Variants in CEP97 observed in about 807,000 individuals in gnomAD.
The protein encoded by CEP97 is centrosomal protein 97, also known as centrosomal protein of 97 kDa.
In CEP97, 43 loss-of-function variants were observed where a neutral mutation model predicts 73.1. The observed-to-expected ratio is 0.59, with a 90% CI of 0.46 to 0.76. The LOEUF is 0.76. CEP97 is among the 30% of genes least tolerant of loss of function. The probability of loss-of-function intolerance (pLI) is 0.00; values close to 1 mark genes in which losing one functional copy is unlikely to be tolerated. For missense variants in CEP97, 939 were observed against 1,014.0 expected (o/e 0.93, Z 1.00); for synonymous variants, 337 against 370.0 (o/e 0.91, Z 1.02).
chr3:101,770,361 A>C lies in CEP97; in HGVS notation c.*4810A>C, dbSNP rs2107206544. The stretch of plus-strand genomic sequence containing the variant: ...AATTAAATATCTTTGAATGTTTTGT[A>C]ATAATTTTAATGTTGACAATAAGAG... On this transcript the variant is annotated 3_prime_UTR_variant, in exon 11 of 11. Coordinates refer to ENST00000341893, the MANE Select transcript of CEP97 (RefSeq NM_024548.4). The C allele has an allele frequency of 6.6e-6, 1 of 152,284 alleles. No individual in the cohort carries two copies. The highest frequency in any genetic ancestry group is 2.1e-4 in the South Asian group (1 of 4,824). The allele number at this position is 152,284 out of a possible 1,614,324, so 9.4% of individuals were successfully genotyped here.
At position 101,732,478 on chromosome 3, in the gene CEP97, T is replaced by G; in HGVS notation, c.562-10T>G. On this transcript the variant is annotated splice_polypyrimidine_tract_variant and intron_variant, in intron 5 of 10. Transcript: ENST00000341893. Reference sequence around the variant, plus strand: ...GTCCTTTTGTTCAACAAAGATATCTTTTGTTCCAGATCTCTTTTTTGGCAT... The same window carrying G: ...GTCCTTTTGTTCAACAAAGATATCTGTTGTTCCAGATCTCTTTTTTGGCAT... 3 of 1,592,038 alleles carry G rather than the reference T, an allele frequency of 1.9e-6. No individual in the cohort carries two copies. The highest frequency in any genetic ancestry group is 2.6e-6 in the Non-Finnish European group (3 of 1,162,876).
chr3:101,765,486 G>A lies in CEP97; in HGVS notation c.2533G>A (p.Val845Ile). The A allele has an allele frequency of 6.2e-7, 1 of 1,614,142 alleles. No individual in the cohort carries two copies. The highest frequency in any genetic ancestry group is 1.1e-5 in the South Asian group (1 of 91,076). Residue 845 changes from valine to isoleucine, a missense_variant, in exon 11 of 11, where the codon GTT becomes ATT. Physicochemically the swap from Val to Ile is conservative, Grantham distance 29 (BLOSUM62 3). Transcript: ENST00000341893. ...TQENSKLNAE[V>I]QGQQPECDST... ...AGAGAATTCTAAATTAAATGCAGAA[G>A]TTCAGGGGCAGCAGCCAGAATGTGA... is the stretch of plus-strand genomic sequence containing the variant.
intron 9 of CEP97, among the ~76,000 whole-genome samples, chr3:101,759,902 A>C (rs982387887): frequency 4.6e-5 from 7 of 151,770 alleles, no homozygotes; most frequent in African/African-American, 1.5e-4. Flanking sequence ...AAAGAGAGTT[A>C]AGTGGTGTCT....
Position 101,757,782 on chromosome 3 carries a change from C to T in CEP97, c.1176C>T (p.Asp392=), listed in dbSNP as rs755184343. 9 of 1,614,242 alleles carry T rather than the reference C, an allele frequency of 5.6e-6. No homozygotes were observed. In the South Asian group the frequency reaches 9.9e-5, roughly 18 times the overall value. Reference sequence around the variant, plus strand: ...TGGAAGACATACAGACGGATGAGGACAAGTTAAACTGTAGTCTTCTCTCTT... The same window carrying T: ...TGGAAGACATACAGACGGATGAGGATAAGTTAAACTGTAGTCTTCTCTCTT... ...LHLEDIQTDE[D]KLNCSLLSSE... The change falls in exon 9 of 11, where the codon GAC becomes GAT. Residue 392 remains aspartate (D), a synonymous_variant. Coordinates refer to ENST00000341893, the MANE Select transcript of CEP97 (RefSeq NM_024548.4).
chr3:101,729,091 C>T (rs1289705591), intron 4 of CEP97, among the ~76,000 whole-genome samples, 154 bp downstream of exon 4: 1 of 152,112 alleles, frequency 6.6e-6, no homozygotes, highest in African/African-American at 2.4e-5. Flanking sequence ...TGCCTGTAAT[C>T]CCAGCACTTT....
chr3:101,759,085 C>T (rs977925554), intron 9 of CEP97: 6 of 152,216 alleles, frequency 3.9e-5, no homozygotes, highest in African/African-American at 1.4e-4. Flanking sequence ...AGGACACAGG[C>T]ATTAAACTTG....
chr3:101,732,631 A>G lies in CEP97; in HGVS notation c.705A>G (p.Gly235=), dbSNP rs1271644279. 1 of 1,607,342 alleles carries G rather than the reference A, an allele frequency of 6.2e-7. No homozygotes were observed. The highest frequency in any genetic ancestry group is 8.5e-7 in the Non-Finnish European group (1 of 1,175,840). ...SWCLNLRVLD[G]YVISQKESLK... ...GCCTAAACCTCAGAGTCCTAGATGG[A>G]TATGTGATTTCTCAGAAGGAAAGGT... The change falls in exon 6 of 11, where the codon GGA becomes GGG. Residue 235 remains glycine (G), a synonymous_variant. Coordinates refer to ENST00000341893, the MANE Select transcript of CEP97 (RefSeq NM_024548.4).
chr3:101,742,054 AC>A (rs1938476382), intron 6 of CEP97, among the ~76,000 whole-genome samples: 1 of 148,958 alleles, frequency 6.7e-6, no homozygotes, highest in Non-Finnish European at 1.5e-5. Flanking sequence ...AAAAAAAAAA[AC>A]AAAAAAACAA....
chr3:101,743,942 T>TA (rs1393356732), intron 6 of CEP97, among the ~76,000 whole-genome samples: 1 of 149,930 alleles, frequency 6.7e-6, no homozygotes, highest in Non-Finnish European at 1.5e-5. Flanking sequence ...AGGCAGAGGT[T>TA]ACGGTGAGCT....
chr3:101,760,280 T>C (rs1003902893), intron 9 of CEP97, among the ~76,000 whole-genome samples: 4 of 152,052 alleles, frequency 2.6e-5, no homozygotes, highest in Admixed American at 2.6e-4. Flanking sequence ...GTATGAGGTG[T>C]GAGGTAGTTA....
chr3:101,755,713 C>A, intron 7 of CEP97, 119 bp downstream of exon 7: 1 of 915,088 alleles, frequency 1.1e-6, no homozygotes, highest in Non-Finnish European at 1.7e-6. Context: ...GACACTCAGT[C>A]CCCTTGTCAC....
At chr3:101,738,940 A>C (rs1184256478) in intron 6 of CEP97, among the ~76,000 whole-genome samples, 1 of 152,194 alleles carries the variant, frequency 6.6e-6, no homozygotes, top group African/African-American at 2.4e-5. Flanking sequence ...TAACCAGACT[A>C]ATAAGAAAAG....
At position 101,727,504 on chromosome 3, in the gene CEP97, A is replaced by G. The variant is rs1478092292; in HGVS notation, c.308A>G (p.His103Arg). The part of the protein sequence containing the change: ...GCVEGLKELV[H>R]LEWLNLAGNN... ...GTGGAAGGGCTAAAGGAACTAGTAC[A>G]TCTGGAATGGCTGAATTTGGCAGGA... Residue 103 changes from histidine to arginine, a missense_variant, in exon 3 of 11, where the codon CAT becomes CGT. Transcript: ENST00000341893. 1.2e-6 allele frequency: 2 copies of G among 1,611,966 alleles called. No homozygotes were observed. Among genetic ancestry groups the G allele is most frequent in the East Asian group, 4.5e-5 (2 of 44,822 alleles).
At chr3:101,744,583 CAAAA>C (rs530099390) in intron 6 of CEP97, among the ~76,000 whole-genome samples, 2 of 79,824 alleles carry the variant, frequency 2.5e-5, no homozygotes, top group Admixed American at 1.3e-4. Flanking sequence ...AACTCTGTCT[CAAAA>C]AAAAAAAAAA....
rs1048118360 is a variant in CEP97 at position 101,757,278 on chromosome 3, T to C, written c.1027+82T>C. 5 of 1,465,788 alleles carry C rather than the reference T, an allele frequency of 3.4e-6. No homozygotes were observed. In the African/African-American group the frequency reaches 4.3e-5, roughly 13 times the overall value. 90.8% of individuals were successfully genotyped at this position (1,465,788 alleles called of 1,614,324 possible). A position where few individuals can be genotyped will look rare whatever the true frequency, so the allele number is the denominator to read the frequency against. ...ATCATAAAGCAGAAAAAGGTGCATATTTTCATAATTTTTTGTTAGTTTACT... is the reference window on the plus strand; with the variant it reads ...ATCATAAAGCAGAAAAAGGTGCATACTTTCATAATTTTTTGTTAGTTTACT... On this transcript the variant is annotated intron_variant, in intron 8 of 10. Transcript: ENST00000341893.
At chr3:101,743,706 G>T (rs1319471816) in intron 6 of CEP97, among the ~76,000 whole-genome samples, 1 of 151,942 alleles carries the variant, frequency 6.6e-6, no homozygotes, top group Non-Finnish European at 1.5e-5. Flanking sequence ...AGAATAACCA[G>T]AATTAAAAGA....
chr3:101,761,831 G>T (rs1367280264), intron 9 of CEP97, among the ~76,000 whole-genome samples: 1 of 152,184 alleles, frequency 6.6e-6, no homozygotes, highest in Non-Finnish European at 1.5e-5. Flanking sequence ...GACAGTTTGG[G>T]TGATAATGGA....
chr3:101,755,571 A>G lies in CEP97; in HGVS notation c.870A>G (p.Leu290=). 5 of 1,614,166 alleles carry G rather than the reference A, an allele frequency of 3.1e-6. No individual in the cohort carries two copies. Among genetic ancestry groups the G allele is most frequent in the Non-Finnish European group, 3.4e-6 (4 of 1,180,008 alleles). ...TTCAAACTGCAGAGGATGCCAAACT[A>G]GAGAAGATTTTGAGCAAACAGAGGT... is the stretch of plus-strand genomic sequence containing the variant. ...LGLQTAEDAK[L]EKILSKQRFH... The change falls in exon 7 of 11, where the codon CTA becomes CTG. Residue 290 remains leucine (L), a synonymous_variant. Transcript: ENST00000341893.
At chr3:101,742,047 A>AAAAAAAAC (rs1244626533) in intron 6 of CEP97, among the ~76,000 whole-genome samples, 15 of 138,876 alleles carry the variant, frequency 1.1e-4, no homozygotes, top group African/African-American at 3.9e-4. Flanking sequence ...GTCTCAAAAA[A>AAAAAAAAC]AAAAAAACAA....
Sources: allele counts gnomAD v4.1 joint callset (sites outside exome capture counted in the v4.1 genomes callset), GRCh38; gene constraint gnomAD v4.1.1; transcripts MANE v1.5; gene names NCBI Gene and HGNC (gene_info 2026-07-23, HGNC 2026-07-21).